The following PABPC4L variants were observed in gnomAD, a reference collection of about 807,000 sequenced individuals.
PABPC4L encodes the protein poly(A) binding protein cytoplasmic 4 like, also known as polyadenylate-binding protein 4-like.
For missense variants in PABPC4L, 452 were observed against 451.4 expected (o/e 1.00, Z -0.01); for synonymous variants, 169 against 164.1 (o/e 1.03, Z -0.23).
chr4:134,043,663 G>A, the PABPC4L span, among the ~76,000 whole-genome samples: 1 of 148,370 alleles, frequency 6.7e-6, no homozygotes, highest in Non-Finnish European at 1.5e-5. Flanking sequence ...TGCCAAAAAT[G>A]TACTTTTTTA....
chr4:134,141,026 C>A, the PABPC4L span, among the ~76,000 whole-genome samples: 1 of 151,628 alleles, frequency 6.6e-6, no homozygotes, highest in Non-Finnish European at 1.5e-5. Flanking sequence ...TTAGGATGTG[C>A]AAATTTTATT....
chr4:134,169,831 A>G, the PABPC4L span, among the ~76,000 whole-genome samples: 1 of 152,120 alleles, frequency 6.6e-6, no homozygotes, highest in African/African-American at 2.4e-5. Flanking sequence ...TAGGAAAAAT[A>G]AAAATTGTTT....
the PABPC4L span, among the ~76,000 whole-genome samples, chr4:134,000,087 T>C: frequency 2.9e-4 from 44 of 152,152 alleles, no homozygotes; most frequent in African/African-American, 9.4e-4. Context: ...TGTGTTTACA[T>C]GGAAATATTT....
chr4:134,133,874 T>C, the PABPC4L span, among the ~76,000 whole-genome samples: 1 of 152,044 alleles, frequency 6.6e-6, no homozygotes, highest in Non-Finnish European at 1.5e-5. Context: ...TCATTGATAA[T>C]ATGAGTATCT....
At chr4:134,159,513 C>A in the PABPC4L span, among the ~76,000 whole-genome samples, 1 of 152,062 alleles carries the variant, frequency 6.6e-6, no homozygotes, top group African/African-American at 2.4e-5. Flanking sequence ...AAGCATGGGA[C>A]TTTGCATTAA....
the PABPC4L span, among the ~76,000 whole-genome samples, chr4:134,033,560 A>T: frequency 6.6e-6 from 1 of 151,986 alleles, no homozygotes; most frequent in Non-Finnish European, 1.5e-5. Flanking sequence ...TTTTTGAAGG[A>T]AATTTAAAGT....
the PABPC4L span, among the ~76,000 whole-genome samples, chr4:134,171,474 T>C: frequency 6.6e-6 from 1 of 152,130 alleles, no homozygotes; most frequent in East Asian, 1.9e-4. Flanking sequence ...ATGGGGCTGT[T>C]TTTTGCTAGA....
At chr4:134,183,888 T>A in the PABPC4L span, among the ~76,000 whole-genome samples, 35 of 151,818 alleles carry the variant, frequency 2.3e-4, no homozygotes, top group East Asian at 5.4e-3. Flanking sequence ...AAAGCCATGA[T>A]TGCAATAAAA....
chr4:134,105,130 A>G, the PABPC4L span, among the ~76,000 whole-genome samples: 17 of 151,736 alleles, frequency 1.1e-4, no homozygotes, highest in Non-Finnish European at 1.9e-4. Flanking sequence ...AGTATTCCAG[A>G]GTTTGCCTGC....
the PABPC4L span, among the ~76,000 whole-genome samples, chr4:133,968,198 A>G: frequency 3.9e-5 from 6 of 152,334 alleles, no homozygotes; most frequent in Admixed American, 2.0e-4. Flanking sequence ...TTTGAGGTTT[A>G]GGATTCCAAA....
chr4:134,131,633 A>G, the PABPC4L span, among the ~76,000 whole-genome samples: 1 of 147,406 alleles, frequency 6.8e-6, no homozygotes, highest in African/African-American at 2.5e-5. Context: ...AGCAATCTAT[A>G]AATTTGATGC....
At chr4:134,061,084 G>T in the PABPC4L span, among the ~76,000 whole-genome samples, 1 of 151,914 alleles carries the variant, frequency 6.6e-6, no homozygotes, top group South Asian at 2.1e-4. Context: ...AGTATAATTG[G>T]ATTGTCTGTA....
chr4:134,089,588 C>T, the PABPC4L span, among the ~76,000 whole-genome samples: 1 of 152,010 alleles, frequency 6.6e-6, no homozygotes, highest in Non-Finnish European at 1.5e-5. Flanking sequence ...ATAAATCAAA[C>T]TTTATCACAG....
At chr4:134,070,589 G>A in the PABPC4L span, among the ~76,000 whole-genome samples, 15 of 152,194 alleles carry the variant, frequency 9.9e-5, no homozygotes, top group East Asian at 5.8e-4. Context: ...CTCACATGCC[G>A]CTGGAGGAGG....
chr4:133,969,882 A>G, the PABPC4L span, among the ~76,000 whole-genome samples: 1 of 152,044 alleles, frequency 6.6e-6, no homozygotes, highest in Non-Finnish European at 1.5e-5. Context: ...TTTTGAATGC[A>G]GGTTTCTGAA....
the PABPC4L span, among the ~76,000 whole-genome samples, chr4:134,156,677 G>A: frequency 6.6e-6 from 1 of 151,566 alleles, no homozygotes; most frequent in East Asian, 1.9e-4. Context: ...ATAAATACTA[G>A]ATCTATATAT....
chr4:134,077,092 C>T, the PABPC4L span, among the ~76,000 whole-genome samples: 1 of 152,230 alleles, frequency 6.6e-6, no homozygotes, highest in Non-Finnish European at 1.5e-5. Flanking sequence ...TTCTTTTCTA[C>T]ATCTTCTATT....
chr4:134,194,230 A>G (rs1729593209), downstream of PABPC4L, among the ~76,000 whole-genome samples: 1 of 151,862 alleles, frequency 6.6e-6, no homozygotes, highest in Admixed American at 6.6e-5. Context: ...CTGAGAGTTC[A>G]AAAGACTGTG....
the PABPC4L span, among the ~76,000 whole-genome samples, chr4:134,173,019 C>T: frequency 6.6e-6 from 1 of 151,608 alleles, no homozygotes; most frequent in African/African-American, 2.4e-5. Flanking sequence ...GATGTCATCT[C>T]ACCCAGTTAA....
Sources: gnomAD v4.1 joint callset for allele counts (sites outside exome capture counted in the v4.1 genomes callset) on GRCh38, gnomAD v4.1.1 for gene constraint, MANE v1.5 for transcripts, NCBI Gene and HGNC (gene_info 2026-07-23, HGNC 2026-07-21) for gene names.